The following ZFYVE19 variants were observed in gnomAD, a reference collection of about 807,000 sequenced individuals.
The protein encoded by ZFYVE19 is abscission/NoCut checkpoint regulator.
ZFYVE19 carries 49 observed loss-of-function variants against 62.8 expected under a neutral mutation model. The ratio of observed to expected loss-of-function variants is 0.78; its 90% CI spans 0.62 to 0.99. ZFYVE19 has a LOEUF of 0.99. Ranked by LOEUF, ZFYVE19 falls within the 50% of genes least tolerant of loss-of-function variation. The pLI, the probability that ZFYVE19 is intolerant of heterozygous loss-of-function variation, is 0.00. For missense variants in ZFYVE19, 630 were observed against 601.9 expected, an observed-to-expected ratio of 1.05 and a Z score of -0.49; for synonymous variants, 242 against 234.3, an observed-to-expected ratio of 1.03 and a Z score of -0.30.
chr15:40,813,565 T>A, intron 8 of ZFYVE19, 148 bp downstream of exon 8: 3 of 1,133,554 alleles, frequency 2.6e-6, no homozygotes, highest in Non-Finnish European at 3.8e-6. Context: ...TGCCCACTGG[T>A]CCCTGGAGAT....
In ZFYVE19 at chr15:40,814,989, G is replaced by A. The variant is rs1188200384; in HGVS notation, c.*763G>A. On this transcript the variant is annotated 3_prime_UTR_variant, in exon 11 of 11. Coordinates refer to ENST00000355341, the MANE Select transcript of ZFYVE19 (RefSeq NM_001077268.2). ...GCCCTAACCGGACCCCTGACCTCTC[G>A]GCATGTACCCTTTACATGCCTCTGC... The A allele has an allele frequency of 1.3e-5, 2 of 152,700 alleles. No individual in the cohort carries two copies. The highest frequency in any genetic ancestry group is 2.4e-5 in the African/African-American group (1 of 41,370). The allele number at this position is 152,700 out of a possible 1,614,324, so 9.5% of individuals were successfully genotyped here.
At chr15:40,808,185 C>T in intron 1 of ZFYVE19, 3 of 1,512,438 alleles carry the variant, frequency 2.0e-6, no homozygotes, top group Non-Finnish European at 2.7e-6. Flanking sequence ...CACCCTGCTC[C>T]TCCGAAGCGC....
In ZFYVE19 at chr15:40,813,937, C is replaced by A; in HGVS notation, c.1210-6C>A. ...TACTTCCTCCATTCCTCTCTGATCC[C>A]TGAAGGCCCAGGATGTGGACCCCAG... On this transcript the variant is annotated splice_region_variant and splice_polypyrimidine_tract_variant and intron_variant, in intron 9 of 10. Transcript: ENST00000355341. The A allele has an allele frequency of 1.2e-6, 2 of 1,602,870 alleles. No homozygotes were observed. The highest frequency in any genetic ancestry group is 8.5e-7 in the Non-Finnish European group (1 of 1,174,188).
In ZFYVE19 at chr15:40,807,249, C is replaced by T; in HGVS notation, c.-341C>T. 6.3e-7 allele frequency: 1 copy of T among 1,582,600 alleles called. No individual in the cohort carries two copies. On this transcript the variant is annotated 5_prime_UTR_variant, in exon 1 of 11. Transcript: ENST00000355341. ...GCCTGCGGAGGGCATAGCGCCGACC[C>T]TCGCTCCCCGCCCAGGACCCGAATG...
chr15:40,807,970 G>A (rs1293517472), intron 1 of ZFYVE19, 102 bp downstream of exon 1: 2 of 1,412,112 alleles, frequency 1.4e-6, no homozygotes, highest in Non-Finnish European at 9.7e-7. Flanking sequence ...CTTTCCAGCT[G>A]TGTGGTTTTG....
Position 40,809,457 on chromosome 15 carries a change from A to C in ZFYVE19, c.451A>C (p.Lys151Gln). Reference protein sequence around the residue: ...SKWSPPQNYKKRVAALEAKQK... With the variant: ...SKWSPPQNYKQRVAALEAKQK... ...GTGGTCACCACCTCAGAACTATAAG[A>C]AGTAAGTGCTGAAGAGAAAAAGACA... Residue 151 changes from lysine to glutamine, a missense_variant and splice_region_variant, in exon 3 of 11, where the codon AAG becomes CAG. Coordinates refer to ENST00000355341, the MANE Select transcript of ZFYVE19 (RefSeq NM_001077268.2). 6.2e-7 allele frequency: 1 copy of C among 1,614,148 alleles called. No homozygotes were observed. The highest frequency in any genetic ancestry group is 1.6e-4 in the Middle Eastern group (1 of 6,062).
In ZFYVE19 at chr15:40,808,831, A is replaced by G. The variant is rs549800831; in HGVS notation, c.280-288A>G. The G allele has an allele frequency of 1.9e-5, 7 of 360,114 alleles. No homozygotes were observed. The South Asian group carries it at 2.2e-4, about 11-fold the overall frequency. The allele number at this position is 360,114 out of a possible 1,614,324, so 22.3% of individuals were successfully genotyped here. A position where few individuals can be genotyped will look rare whatever the true frequency, so the allele number is the denominator to read the frequency against. ...TTTGTGGAAGAGTCAGTGGCCTGAA[A>G]TACTGGGCTTTATCTATCTGTCTTC... On this transcript the variant is annotated intron_variant, in intron 1 of 10. Coordinates refer to ENST00000355341, the MANE Select transcript of ZFYVE19 (RefSeq NM_001077268.2).
intron 1 of ZFYVE19, chr15:40,808,277 G>A: frequency 6.3e-7 from 1 of 1,597,442 alleles, no homozygotes; most frequent in Non-Finnish European, 8.5e-7. Context: ...CAGGTCGCTG[G>A]AGTTAGATTA....
intron 5 of ZFYVE19, 147 bp downstream of exon 5, chr15:40,810,363 C>G: frequency 7.2e-7 from 1 of 1,381,960 alleles, no homozygotes; most frequent in South Asian, 1.5e-5. Context: ...TTTGCACCAA[C>G]CTTTGTACTT....
Position 40,807,610 on chromosome 15 carries a change from GC to G in ZFYVE19, c.26del (p.Pro9ArgfsTer19). On this transcript the variant is annotated frameshift_variant, in exon 1 of 11. Transcript: ENST00000355341. LOFTEE classifies it high-confidence loss of function. MNYDSQQ[P>X]PLPPLPYAGC... ...CGTGAATGAACTACGACTCCCAGCA[GC>G]CCCCGTTGCCGCCGCTGCCGTACGC... is the stretch of plus-strand genomic sequence containing the variant. 4 of 1,612,820 alleles carry G rather than the reference GC, an allele frequency of 2.5e-6. No individual in the cohort carries two copies. Among genetic ancestry groups the G allele is most frequent in the Non-Finnish European group, 3.4e-6 (4 of 1,179,564 alleles).
rs1439438560 is a variant in ZFYVE19, at chr15:40,809,143, G to A, written c.304G>A (p.Ala102Thr). The A allele has an allele frequency of 6.2e-7, 1 of 1,614,136 alleles. No homozygotes were observed. The highest frequency in any genetic ancestry group is 1.3e-5 in the African/African-American group (1 of 75,036). ...KEYGCKNCGR[A>T]FCSGCLSFSA... is the part of the protein sequence containing the mutation. ...GTACGGCTGTAAGAATTGTGGCAGG[G>A]CCTTCTGTTCAGGCTGCCTAAGCTT... The change falls in exon 2 of 11, where the codon GCC becomes ACC. Residue 102 changes from alanine to threonine, a missense_variant. Ala to Thr is a moderately conservative substitution (Grantham distance 58). Transcript: ENST00000355341.
chr15:40,814,322 T>C lies in ZFYVE19; in HGVS notation c.*96T>C. 7.2e-7 allele frequency: 1 copy of C among 1,387,828 alleles called. No individual in the cohort carries two copies. The highest frequency in any genetic ancestry group is 1.2e-5 in the South Asian group (1 of 82,462). 86.0% of individuals were successfully genotyped at this position (1,387,828 alleles called of 1,614,324 possible). A position where few individuals can be genotyped will look rare whatever the true frequency, so the allele number is the denominator to read the frequency against. On this transcript the variant is annotated 3_prime_UTR_variant, in exon 11 of 11. Coordinates refer to ENST00000355341, the MANE Select transcript of ZFYVE19 (RefSeq NM_001077268.2). ...CGTCCGATGGGAGAGCTTGTCTGGC[T>C]CTACTGATGATGGATAGGCCCCTTC...
intron 6 of ZFYVE19, 164 bp downstream of exon 6, chr15:40,810,921 C>A: frequency 1.1e-6 from 1 of 900,020 alleles, no homozygotes; most frequent in Non-Finnish European, 1.6e-6. Context: ...CCAGTGTAAG[C>A]CTAGTGTTTA....
Position 40,807,677 on chromosome 15 carries a change from G to C in ZFYVE19, c.88G>C (p.Gly30Arg), listed in dbSNP as rs773373327. ...RASGFPALGR[G>R]GTVPVGVWGG... Reference sequence around the variant, plus strand: ...GTCCGGATTCCCTGCTCTAGGTCGCGGCGGGACAGTGCCAGTGGGCGTGTG... The same window carrying C: ...GTCCGGATTCCCTGCTCTAGGTCGCCGCGGGACAGTGCCAGTGGGCGTGTG... Residue 30 changes from glycine to arginine, a missense_variant, in exon 1 of 11, where the codon GGC (glycine) becomes CGC (arginine). Transcript: ENST00000355341. The C allele has an allele frequency of 1.2e-6, 2 of 1,610,746 alleles. No homozygotes were observed. The highest frequency in any genetic ancestry group is 3.3e-5 in the Admixed American group (2 of 59,748).
chr15:40,810,414 CT>C (rs367902011), intron 5 of ZFYVE19, among the ~76,000 whole-genome samples, 198 bp downstream of exon 5: 111 of 152,320 alleles, frequency 7.3e-4, no homozygotes, highest in African/African-American at 2.6e-3. Context: ...CCACCCCTAC[CT>C]CCTGATCCTC....
rs116340513 is a variant in ZFYVE19, at chr15:40,810,313, G to T, written c.717+97G>T. ...TTGGGGTGATACAAAAGTAATTGTGGTTTTTGTCATTACTTTTAATTGCAA... is the reference window on the plus strand; with the variant it reads ...TTGGGGTGATACAAAAGTAATTGTGTTTTTTGTCATTACTTTTAATTGCAA... On this transcript the variant is annotated intron_variant, in intron 5 of 10. Coordinates refer to ENST00000355341, the MANE Select transcript of ZFYVE19 (RefSeq NM_001077268.2). 3.4e-3 allele frequency: 5,153 copies of T among 1,517,240 alleles called. 173 individuals are homozygous for T. In the African/African-American group the frequency reaches 0.065, roughly 19 times the overall value. The allele number at this position is 1,517,240 out of a possible 1,614,324, so 94.0% of individuals were successfully genotyped here.
chr15:40,813,491 G>T, intron 8 of ZFYVE19, 74 bp downstream of exon 8: 1 of 1,452,022 alleles, frequency 6.9e-7, no homozygotes, highest in South Asian at 1.2e-5. Flanking sequence ...TCTGGGGCTG[G>T]GTGGACAGTA....
chr15:40,807,372 T>G lies in ZFYVE19; in HGVS notation c.-218T>G, dbSNP rs1890275003. 1.2e-6 allele frequency: 2 copies of G among 1,614,124 alleles called. No homozygotes were observed. Among genetic ancestry groups the G allele is most frequent in the Non-Finnish European group, 1.7e-6 (2 of 1,180,052 alleles). ...CCTTCCTCGCCACCGTTCTCACCTCTTTGTCCGCTGCCTTCTCCTCAATGC... is the reference window on the plus strand; with the variant it reads ...CCTTCCTCGCCACCGTTCTCACCTCGTTGTCCGCTGCCTTCTCCTCAATGC... On this transcript the variant is annotated 5_prime_UTR_variant, in exon 1 of 11. Coordinates refer to ENST00000355341, the MANE Select transcript of ZFYVE19 (RefSeq NM_001077268.2).
intron 7 of ZFYVE19, among the ~76,000 whole-genome samples, 196 bp downstream of exon 7, chr15:40,813,098 G>A (rs1890547493): frequency 6.6e-6 from 1 of 152,178 alleles, no homozygotes; most frequent in Admixed American, 6.5e-5. Context: ...AGTCCATTCA[G>A]GGGCTGAGGC....
Sources: gnomAD v4.1 joint callset for allele counts (sites outside exome capture counted in the v4.1 genomes callset) on GRCh38, gnomAD v4.1.1 for gene constraint, MANE v1.5 for transcripts, NCBI Gene and HGNC (gene_info 2026-07-23, HGNC 2026-07-21) for gene names.